The following ATP8B4 variants were observed in gnomAD, a reference collection of about 807,000 sequenced individuals.
The protein encoded by ATP8B4 is ATPase phospholipid transporting 8B4 (putative), also known as probable phospholipid-transporting ATPase IM.
Under a neutral mutation model 145.6 loss-of-function variants are expected in ATP8B4, and 133 were observed. The observed-to-expected ratio is 0.91, with a 90% CI of 0.79 to 1.05. The LOEUF (loss-of-function observed/expected upper bound fraction) is 1.05, where lower values mean the gene tolerates loss of function less well. Ranked by LOEUF, ATP8B4 falls within the 50% of genes least tolerant of loss-of-function variation. The pLI, the probability that ATP8B4 is intolerant of heterozygous loss-of-function variation, is 0.00. For synonymous variants in ATP8B4, 507 were observed against 492.9 expected (o/e 1.03, Z -0.38); for missense variants, 1,458 against 1,425.2 (o/e 1.02, Z -0.37).
chr15:50,117,622 C>A (rs2057194022), intron 1 of ATP8B4, among the ~76,000 whole-genome samples: 1 of 152,082 alleles, frequency 6.6e-6, no homozygotes, highest in Admixed American at 6.5e-5. Context: ...GAAAACAGAT[C>A]CACCATATGA....
chr15:49,879,102 T>A (rs1427972901), intron 24 of ATP8B4, among the ~76,000 whole-genome samples: 1 of 152,260 alleles, frequency 6.6e-6, no homozygotes, highest in Non-Finnish European at 1.5e-5. Flanking sequence ...GATTACTTCG[T>A]ACAGGACTTC....
In ATP8B4 at chr15:49,920,256, C is replaced by CT. The variant is rs755184288; in HGVS notation, c.1912dup (p.Arg638LysfsTer14). 6.2e-7 allele frequency: 1 copy of CT among 1,614,022 alleles called. No homozygotes were observed. Among genetic ancestry groups the CT allele is most frequent in the African/African-American group, 1.3e-5 (1 of 75,044 alleles). On this transcript the variant is annotated frameshift_variant, in exon 18 of 28. Transcript: ENST00000284509. LOFTEE classifies it high-confidence loss of function. ...CTTCTAAACTCATACCATCAAATCT[C>CT]TTTCAATTTCTTCATATAGCCCAGC...
rs745866057 is a variant in ATP8B4, at chr15:49,862,263, G to T, written c.3279C>A (p.Tyr1093Ter). 1 of 1,613,410 alleles carries T rather than the reference G, an allele frequency of 6.2e-7. No homozygotes were observed. Among genetic ancestry groups the T allele is most frequent in the Admixed American group, 1.7e-5 (1 of 59,998 alleles). The change falls in exon 27 of 28, where the codon TAC becomes TAA. Residue 1093 changes from tyrosine (Y) to a stop codon, truncating the protein, a stop_gained. Transcript: ENST00000284509. LOFTEE classifies it high-confidence loss of function. The stretch of plus-strand genomic sequence containing the variant: ...GACATACCTGATCACTCAGGGTTGG[G>T]TATAAATCCACCTTCAAAAATCTGA... ...VAFRFLKVDL[Y>*]PTLSDQIRRW...
At chr15:50,010,284 A>G (rs934670898) in intron 7 of ATP8B4, among the ~76,000 whole-genome samples, 1 of 152,112 alleles carries the variant, frequency 6.6e-6, no homozygotes, top group African/African-American at 2.4e-5. Context: ...CTTGAATTTT[A>G]TTAAGGAAAT....
In ATP8B4 at chr15:49,987,554, A is replaced by G. The variant is rs751311192; in HGVS notation, c.590-5T>C. ...GCACCTCACAGACAACAATCCCTGG[A>G]AAATAAAAAAACAAAACAAACCTCT... On this transcript the variant is annotated splice_region_variant and splice_polypyrimidine_tract_variant and intron_variant, in intron 9 of 27. Transcript: ENST00000284509. 1 of 1,610,170 alleles carries G rather than the reference A, an allele frequency of 6.2e-7. No homozygotes were observed. Among genetic ancestry groups the G allele is most frequent in the South Asian group, 1.1e-5 (1 of 90,752 alleles).
At chr15:49,973,639 CAAT>C (rs3076082) in intron 12 of ATP8B4, among the ~76,000 whole-genome samples, 79,891 of 151,670 alleles carry the variant, frequency 0.53, 23,614 homozygotes, top group African/African-American at 0.79. Context: ...TTAATTATTA[CAAT>C]AATTATGATT....
At chr15:50,015,237 A>G (rs1484649253) in intron 6 of ATP8B4, among the ~76,000 whole-genome samples, 2 of 152,270 alleles carry the variant, frequency 1.3e-5, no homozygotes, top group African/African-American at 4.8e-5. Flanking sequence ...GTGGTTGACA[A>G]TAGAGAAAGA....
intron 1 of ATP8B4, among the ~76,000 whole-genome samples, chr15:50,118,542 GTTTTC>G (rs953826072): frequency 2.6e-5 from 4 of 152,068 alleles, no homozygotes; most frequent in African/African-American, 9.7e-5. Flanking sequence ...TTTTTCACCA[GTTTTC>G]TTTTCTTCAA....
At chr15:50,121,683 C>A (rs547495695), upstream of ATP8B4, among the ~76,000 whole-genome samples, 2 of 151,994 alleles carry the variant, frequency 1.3e-5, no homozygotes, top group Non-Finnish European at 2.9e-5. Flanking sequence ...ACCTTTTATT[C>A]CCATTATACA....
At chr15:49,947,628 A>C (rs1219904951) in intron 14 of ATP8B4, among the ~76,000 whole-genome samples, 1 of 152,098 alleles carries the variant, frequency 6.6e-6, no homozygotes, top group East Asian at 1.9e-4. Context: ...AAATTCTAAA[A>C]TTGATATGGA....
At chr15:50,093,193 TA>T (rs573850755) in intron 2 of ATP8B4, among the ~76,000 whole-genome samples, 40 of 146,682 alleles carry the variant, frequency 2.7e-4, no homozygotes, top group East Asian at 1.2e-3. Flanking sequence ...TTCCCACATT[TA>T]AAAAAAAAAG....
intron 1 of ATP8B4, among the ~76,000 whole-genome samples, chr15:50,109,283 G>GT (rs996187622): frequency 3.9e-5 from 6 of 152,172 alleles, no homozygotes; most frequent in Non-Finnish European, 8.8e-5. Context: ...ATGTTTGGTG[G>GT]TAAAGACTTC....
intron 1 of ATP8B4, among the ~76,000 whole-genome samples, chr15:50,172,352 C>A (rs915132561): frequency 6.6e-6 from 1 of 152,268 alleles, no homozygotes; most frequent in African/African-American, 2.4e-5. Context: ...CCCTCTTGGC[C>A]GGGCTGGTCT....
intron 2 of ATP8B4, among the ~76,000 whole-genome samples, chr15:50,090,962 C>G (rs939910804): frequency 1.3e-5 from 2 of 151,994 alleles, no homozygotes; most frequent in Non-Finnish European, 2.9e-5. Flanking sequence ...CTTTTAATTT[C>G]TGAGTTATTA....
At position 49,972,609 on chromosome 15, in the gene ATP8B4, T is replaced by C. The variant is rs190413059; in HGVS notation, c.1216A>G (p.Arg406Gly). The change falls in exon 13 of 28, where the codon AGA becomes GGA. Residue 406 changes from arginine to glycine, a missense_variant. Arg to Gly is a moderately radical substitution (Grantham distance 125, BLOSUM62 -2). Transcript: ENST00000284509. Reference sequence around the variant, plus strand: ...TAGATTCTCCCATTAATGGAACATCTTTTAAAGGTCATGATGTTTTGAGTG... The same window carrying C: ...TAGATTCTCCCATTAATGGAACATCCTTTAAAGGTCATGATGTTTTGAGTG... ...TLTQNIMTFK[R>G]CSINGRIYGE... is the part of the protein sequence containing the mutation. 9.2e-4 allele frequency: 1,492 copies of C among 1,613,672 alleles called. 8 individuals are homozygous for C. Among genetic ancestry groups the C allele is most frequent in the South Asian group, 2.0e-3 (182 of 91,056 alleles).
At position 49,916,933 on chromosome 15, in the gene ATP8B4, C is replaced by A. The variant is rs1167059107; in HGVS notation, c.2141+1G>T. The A allele has an allele frequency of 1.2e-6, 2 of 1,612,870 alleles. No individual in the cohort carries two copies. The highest frequency in any genetic ancestry group is 1.7e-6 in the Non-Finnish European group (2 of 1,179,186). On this transcript the variant is annotated splice_donor_variant, in intron 20 of 27. Transcript: ENST00000284509. LOFTEE classifies it high-confidence loss of function. ...CCTTTCCTCCTTCCTTCAACACCTA[C>A]CTGAGTTCTTCTCTCACTTCCACAG...
rs1229518619 is a variant in ATP8B4 at position 50,119,148 on chromosome 15, C to G, written c.-68G>C. On this transcript the variant is annotated 5_prime_UTR_variant, in exon 1 of 28. Coordinates refer to ENST00000284509, the MANE Select transcript of ATP8B4 (RefSeq NM_024837.4). ...CTCAACCCAGACTTAATCCTCTCCC[C>G]CAAAAGGAAGATTTCTCAGCAGTGC... 2 of 152,202 alleles carry G rather than the reference C, an allele frequency of 1.3e-5. No homozygotes were observed. The highest frequency in any genetic ancestry group is 1.3e-4 in the Admixed American group (2 of 15,274). 9.4% of individuals were successfully genotyped at this position (152,202 alleles called of 1,614,324 possible). A position where few individuals can be genotyped will look rare whatever the true frequency, so the allele number is the denominator to read the frequency against.
At chr15:50,031,050 G>A (rs1201403915) in intron 6 of ATP8B4, among the ~76,000 whole-genome samples, 1 of 152,156 alleles carries the variant, frequency 6.6e-6, no homozygotes. Context: ...TTAAGAAGCT[G>A]AAATTAACTT....
At chr15:49,988,549 C>G (rs2046817407) in intron 9 of ATP8B4, among the ~76,000 whole-genome samples, 1 of 152,026 alleles carries the variant, frequency 6.6e-6, no homozygotes, top group Admixed American at 6.6e-5. Flanking sequence ...AGATTAGTAC[C>G]TACAAAGTTC....
Sources: gnomAD v4.1 joint callset for allele counts (sites outside exome capture counted in the v4.1 genomes callset) on GRCh38, gnomAD v4.1.1 for gene constraint, MANE v1.5 for transcripts, NCBI Gene and HGNC (gene_info 2026-07-23, HGNC 2026-07-21) for gene names.